Variants in SCOC observed in about 807,000 individuals in gnomAD.
SCOC encodes short coiled coil protein.
SCOC carries 7 observed loss-of-function variants against 9.9 expected under a neutral mutation model. The observed-to-expected ratio is 0.71, with a 90% CI of 0.40 to 1.33. The LOEUF is 1.33. SCOC is among the 40% of genes most tolerant of loss of function. The pLI is 0.01. For missense variants in SCOC, 66 were observed against 89.7 expected (o/e 0.74, Z 1.07); for synonymous variants, 19 against 28.2 (o/e 0.67, Z 1.03).
At chr4:140,379,344 C>A in intron 2 of SCOC, 152 bp downstream of exon 2, 1 of 712,232 alleles carries the variant, frequency 1.4e-6, no homozygotes, top group Admixed American at 2.5e-5. Flanking sequence ...AAAGGACCAA[C>A]CAAAGCAGCT....
chr4:140,261,843 G>T (rs1381525303), intron 1 of SCOC, among the ~76,000 whole-genome samples: 1 of 152,146 alleles, frequency 6.6e-6, no homozygotes, highest in Non-Finnish European at 1.5e-5. Flanking sequence ...AAGATGACCA[G>T]CAAGGAGTTA....
At chr4:140,314,856 T>C (rs896640150) in intron 1 of SCOC, among the ~76,000 whole-genome samples, 1 of 151,050 alleles carries the variant, frequency 6.6e-6, no homozygotes, top group African/African-American at 2.4e-5. Flanking sequence ...AGCTGTGAAC[T>C]CCACCCCCCC....
At chr4:140,355,213 A>T (rs999844348) in intron 2 of SCOC, among the ~76,000 whole-genome samples, 17 of 5,356 alleles carry the variant, frequency 3.2e-3, no homozygotes, top group South Asian at 0.029. Flanking sequence ...TTATATTTTT[A>T]TATATATATA....
In SCOC at chr4:140,384,127, G is replaced by GA. The variant is rs905107751; in HGVS notation, c.*3027dup. Reference sequence around the variant, plus strand: ...TGTCTATTCCCTTCTATCTTTGCTTGAAAATGTCAATTTTTTTGATACCTT... The same window carrying GA: ...TGTCTATTCCCTTCTATCTTTGCTTGAAAAATGTCAATTTTTTTGATACCTT... On this transcript the variant is annotated 3_prime_UTR_variant, in exon 4 of 4. Transcript: ENST00000608372. 6.6e-6 allele frequency: 1 copy of GA among 152,102 alleles called. No homozygotes were observed. Among genetic ancestry groups the GA allele is most frequent in the Non-Finnish European group, 1.5e-5 (1 of 68,020 alleles). The allele number at this position is 152,102 out of a possible 1,614,324, so 9.4% of individuals were successfully genotyped here.
chr4:140,314,866 C>G (rs4956333), intron 1 of SCOC, among the ~76,000 whole-genome samples: 5 of 151,854 alleles, frequency 3.3e-5, no homozygotes, highest in African/African-American at 7.3e-5. Context: ...TCCACCCCCC[C>G]ACCAAGTTCT....
intron 1 of SCOC, among the ~76,000 whole-genome samples, chr4:140,279,610 C>T (rs995480937): frequency 1.1e-4 from 17 of 152,140 alleles, no homozygotes; most frequent in African/African-American, 3.9e-4. Context: ...ACGTATTTGC[C>T]TTGGTTTCTA....
chr4:140,326,204 G>C (rs1262840644), intron 1 of SCOC, among the ~76,000 whole-genome samples: 1 of 152,138 alleles, frequency 6.6e-6, no homozygotes, highest in South Asian at 2.1e-4. Flanking sequence ...TCTACAAAGG[G>C]ACTGGATGAG....
intron 2 of SCOC, among the ~76,000 whole-genome samples, chr4:140,364,890 C>G (rs1369358580): frequency 6.6e-6 from 1 of 152,098 alleles, no homozygotes; most frequent in Non-Finnish European, 1.5e-5. Context: ...AATTCAGCTT[C>G]TAGATCCTTG....
At chr4:140,267,269 G>A (rs1406000570) in intron 1 of SCOC, among the ~76,000 whole-genome samples, 3 of 152,130 alleles carry the variant, frequency 2.0e-5, no homozygotes, top group East Asian at 1.9e-4. Flanking sequence ...TGATGGGAGC[G>A]GAGCCTTCAT....
chr4:140,328,681 T>C (rs942425101), intron 1 of SCOC, among the ~76,000 whole-genome samples: 8 of 152,238 alleles, frequency 5.3e-5, no homozygotes, highest in Middle Eastern at 3.2e-3. Flanking sequence ...TGTACTCTTA[T>C]AATTTGCACA....
At chr4:140,363,998 G>A (rs192828164) in intron 2 of SCOC, among the ~76,000 whole-genome samples, 7 of 152,218 alleles carry the variant, frequency 4.6e-5, no homozygotes, top group Non-Finnish European at 1.0e-4. Context: ...CTGCAGCTGT[G>A]GTTGCCCACC....
intron 2 of SCOC, among the ~76,000 whole-genome samples, chr4:140,351,465 T>A (rs578044473): frequency 6.6e-6 from 1 of 152,240 alleles, no homozygotes; most frequent in African/African-American, 2.4e-5. Flanking sequence ...TGCCTCAGCC[T>A]CCGTCCTGAC....
At chr4:140,285,817 C>T (rs1731250114) in intron 1 of SCOC, among the ~76,000 whole-genome samples, 1 of 152,110 alleles carries the variant, frequency 6.6e-6, no homozygotes, top group East Asian at 1.9e-4. Flanking sequence ...GGTTTCCATC[C>T]ATGCATCTCT....
At chr4:140,283,976 G>A (rs1731161299) in intron 1 of SCOC, 1 of 152,076 alleles carries the variant, frequency 6.6e-6, no homozygotes. Flanking sequence ...TAATGTCCTC[G>A]GTGCATCTGT....
At chr4:140,368,552 C>T (rs1328337668) in intron 2 of SCOC, among the ~76,000 whole-genome samples, 2 of 152,062 alleles carry the variant, frequency 1.3e-5, no homozygotes, top group African/African-American at 4.8e-5. Flanking sequence ...GTTGATTTTG[C>T]CAAGGTTAAG....
chr4:140,292,026 CTG>C (rs1008256838), intron 1 of SCOC, among the ~76,000 whole-genome samples: 46 of 152,122 alleles, frequency 3.0e-4, no homozygotes, highest in African/African-American at 1.1e-3. Context: ...ATGATGATGA[CTG>C]TTTATTGGAA....
upstream of SCOC, chr4:140,373,323 G>GGATTCTCACTCC (rs1179397944): frequency 1.5e-5 from 21 of 1,402,408 alleles, no homozygotes; most frequent in Non-Finnish European, 1.9e-5. Flanking sequence ...TTCCACACTG[G>GGATTCTCACTCC]GATTCTCACT....
At chr4:140,264,525 G>T (rs1425565049) in intron 1 of SCOC, among the ~76,000 whole-genome samples, 2 of 152,150 alleles carry the variant, frequency 1.3e-5, no homozygotes, top group African/African-American at 2.4e-5. Context: ...AAAAAGACTA[G>T]CTGAGAAACA....
chr4:140,305,592 A>G (rs544510324), intron 1 of SCOC, among the ~76,000 whole-genome samples: 1 of 152,348 alleles, frequency 6.6e-6, no homozygotes, highest in African/African-American at 2.4e-5. Context: ...ACTTGCTGAC[A>G]GGCTGTATAA....
Sources: allele counts gnomAD v4.1 joint callset (sites outside exome capture counted in the v4.1 genomes callset), GRCh38; gene constraint gnomAD v4.1.1; transcripts MANE v1.5; gene names NCBI Gene and HGNC (gene_info 2026-07-23, HGNC 2026-07-21).